Variants in ASIC2 observed in about 807,000 individuals in gnomAD.
ASIC2 encodes acid-sensing ion channel 2.
Under a neutral mutation model 57.3 loss-of-function variants are expected in ASIC2, and 25 were observed. The ratio of observed to expected loss-of-function variants is 0.44; its 90% CI spans 0.32 to 0.61. The LOEUF (loss-of-function observed/expected upper bound fraction) is 0.61. Among genes scored for constraint, ASIC2 ranks in the 20% least tolerant of loss-of-function variants. The pLI is 0.06. For missense variants in ASIC2, 641 were observed against 738.1 expected, an observed-to-expected ratio of 0.87 and a Z score of 1.52; for synonymous variants, 319 against 307.5, an observed-to-expected ratio of 1.04 and a Z score of -0.39.
chr17:33,491,272 G>A (rs1459293543), intron 1 of ASIC2, among the ~76,000 whole-genome samples: 1 of 152,170 alleles, frequency 6.6e-6, no homozygotes, highest in East Asian at 1.9e-4. Flanking sequence ...GGGAAGGGAG[G>A]GATGCATCAC....
chr17:33,225,855 G>A (rs1459955749), intron 1 of ASIC2, among the ~76,000 whole-genome samples: 1 of 152,206 alleles, frequency 6.6e-6, no homozygotes, highest in Non-Finnish European at 1.5e-5. Flanking sequence ...CCATGGAAGA[G>A]ACATTTCCTT....
At chr17:33,108,100 G>A (rs1185523241) in intron 2 of ASIC2, among the ~76,000 whole-genome samples, 1 of 152,154 alleles carries the variant, frequency 6.6e-6, no homozygotes, top group East Asian at 1.9e-4. Flanking sequence ...AAGCCAGTGG[G>A]TTTTATTTGT....
intron 1 of ASIC2, among the ~76,000 whole-genome samples, chr17:33,388,759 C>T (rs1415488546): frequency 6.6e-6 from 1 of 152,192 alleles, no homozygotes; most frequent in Non-Finnish European, 1.5e-5. Context: ...CAATGCCTGC[C>T]CCACAATTTC....
chr17:34,147,416 G>A (rs150567450), intron 1 of ASIC2, among the ~76,000 whole-genome samples: 1 of 152,334 alleles, frequency 6.6e-6, no homozygotes, highest in East Asian at 1.9e-4. Context: ...GAAATCAGAA[G>A]AAAATAAGTA....
At chr17:33,717,088 A>G (rs1047981793) in intron 1 of ASIC2, among the ~76,000 whole-genome samples, 5 of 152,212 alleles carry the variant, frequency 3.3e-5, no homozygotes, top group African/African-American at 4.8e-5. Context: ...AATCATTTGG[A>G]CAGACGCACT....
chr17:33,159,917 C>T (rs922248886), intron 1 of ASIC2, among the ~76,000 whole-genome samples: 3 of 152,138 alleles, frequency 2.0e-5, no homozygotes, highest in Admixed American at 2.0e-4. Context: ...ATAGAAAATG[C>T]TCAGTGAAAG....
At chr17:33,876,585 T>A (rs1406230143) in intron 1 of ASIC2, among the ~76,000 whole-genome samples, 1 of 152,202 alleles carries the variant, frequency 6.6e-6, no homozygotes. Context: ...ATAATTACTG[T>A]CCTCATTTTA....
At chr17:34,035,325 C>A (rs2142040819) in intron 1 of ASIC2, among the ~76,000 whole-genome samples, 1 of 144,320 alleles carries the variant, frequency 6.9e-6, no homozygotes, top group Non-Finnish European at 1.5e-5. Context: ...AACTGGCTAG[C>A]CACATGTAGA....
chr17:33,149,125 A>C (rs1904682473), intron 1 of ASIC2, among the ~76,000 whole-genome samples: 1 of 152,144 alleles, frequency 6.6e-6, no homozygotes, highest in East Asian at 1.9e-4. Flanking sequence ...AAACAAAAAA[A>C]CAAAAAACAA....
chr17:33,992,207 G>A (rs936107694), intron 1 of ASIC2, among the ~76,000 whole-genome samples: 2 of 152,094 alleles, frequency 1.3e-5, no homozygotes, highest in African/African-American at 4.8e-5. Flanking sequence ...CTGATCTAAC[G>A]CTGCATAGAC....
At chr17:33,204,864 G>C (rs1291232438) in intron 1 of ASIC2, among the ~76,000 whole-genome samples, 2 of 152,160 alleles carry the variant, frequency 1.3e-5, no homozygotes, top group Non-Finnish European at 2.9e-5. Flanking sequence ...CATGAATGAA[G>C]CCAACACTGA....
chr17:33,465,970 T>C (rs1912851739), intron 1 of ASIC2, among the ~76,000 whole-genome samples: 1 of 152,192 alleles, frequency 6.6e-6, no homozygotes, highest in East Asian at 1.9e-4. Flanking sequence ...AGAGAGAGTG[T>C]AGTCAGACTT....
intron 1 of ASIC2, among the ~76,000 whole-genome samples, chr17:33,358,538 G>A (rs1371362369): frequency 6.6e-6 from 1 of 152,096 alleles, no homozygotes; most frequent in Non-Finnish European, 1.5e-5. Context: ...GCTGGGCATT[G>A]AGTTGCAAAA....
At chr17:33,775,292 C>T (rs1298635152) in intron 1 of ASIC2, among the ~76,000 whole-genome samples, 2 of 152,198 alleles carry the variant, frequency 1.3e-5, no homozygotes, top group African/African-American at 2.4e-5. Flanking sequence ...GGCAAGTTCA[C>T]TACAAAACCA....
chr17:33,727,802 G>T (rs963695128), intron 1 of ASIC2, among the ~76,000 whole-genome samples: 1 of 152,166 alleles, frequency 6.6e-6, no homozygotes, highest in African/African-American at 2.4e-5. Flanking sequence ...CAATGTAAGA[G>T]TGGGCTAATT....
At chr17:33,150,694 C>CA (rs60075249) in intron 1 of ASIC2, among the ~76,000 whole-genome samples, 1 of 127,724 alleles carries the variant, frequency 7.8e-6, no homozygotes, top group Non-Finnish European at 1.6e-5. Context: ...ACTAAAAATA[C>CA]AAAAAATTAG....
At chr17:34,100,698 C>T (rs1192208852) in intron 1 of ASIC2, among the ~76,000 whole-genome samples, 1 of 152,162 alleles carries the variant, frequency 6.6e-6, no homozygotes, top group African/African-American at 2.4e-5. Flanking sequence ...CCATCTGTCC[C>T]CTGGTTGTCT....
At chr17:33,428,780 T>A (rs1001971412) in intron 1 of ASIC2, among the ~76,000 whole-genome samples, 2 of 152,178 alleles carry the variant, frequency 1.3e-5, no homozygotes, top group Non-Finnish European at 2.9e-5. Context: ...CCACCCACCA[T>A]TGTTTTCTGT....
intron 1 of ASIC2, among the ~76,000 whole-genome samples, chr17:33,783,632 A>G (rs779002345): frequency 6.6e-6 from 1 of 152,174 alleles, no homozygotes. Flanking sequence ...CCTTAATCAG[A>G]CTGGCTCTCC....
Sources: allele counts gnomAD v4.1 joint callset (sites outside exome capture counted in the v4.1 genomes callset), GRCh38; gene constraint gnomAD v4.1.1; transcripts MANE v1.5; gene names NCBI Gene and HGNC (gene_info 2026-07-23, HGNC 2026-07-21).